The following ANGPT1 variants were observed in gnomAD, a reference collection of about 807,000 sequenced individuals.
ANGPT1 encodes angiopoietin 1, also known as angiopoietin-1.
A neutral mutation model predicts 62.2 loss-of-function variants in ANGPT1; 17 were observed. The observed-to-expected ratio is 0.27, with a 90% CI of 0.19 to 0.41. The LOEUF (loss-of-function observed/expected upper bound fraction) is 0.41. ANGPT1 is among the 10% of genes least tolerant of loss of function. The probability of loss-of-function intolerance (pLI) is 1.00; values close to 1 mark genes in which losing one functional copy is unlikely to be tolerated. For synonymous variants in ANGPT1, 199 were observed against 198.9 expected, an observed-to-expected ratio of 1.00 and a Z score of 0.00; for missense variants, 478 against 594.9, an observed-to-expected ratio of 0.80 and a Z score of 2.04.
chr8:107,251,870 T>C lies in ANGPT1; in HGVS notation c.1482A>G (p.Arg494=). The change falls in exon 9 of 9, where the codon CGA becomes CGG. Residue 494 remains arginine (R), a synonymous_variant. Coordinates refer to ENST00000517746, the MANE Select transcript of ANGPT1 (RefSeq NM_001146.5). ...CATTGCGCTTTCAAAAATCTAAAGG[T>C]CGAATCATCATAGTTGTGGAACGTA... ...YSLRSTTMMI[R]PLDF is the part of the protein sequence containing the mutation. 1 of 1,613,856 alleles carries C rather than the reference T, an allele frequency of 6.2e-7. No homozygotes were observed. The highest frequency in any genetic ancestry group is 8.5e-7 in the Non-Finnish European group (1 of 1,179,816).
chr8:107,314,417 C>G (rs752336427), intron 4 of ANGPT1, among the ~76,000 whole-genome samples: 1 of 152,152 alleles, frequency 6.6e-6, no homozygotes, highest in Non-Finnish European at 1.5e-5. Flanking sequence ...TGGGAGAGGT[C>G]AAGGACTATG....
intron 5 of ANGPT1, chr8:107,294,479 A>T (rs901136481): frequency 3.9e-5 from 6 of 153,020 alleles, no homozygotes; most frequent in South Asian, 2.1e-4. Context: ...AGAATAAAAA[A>T]TTTTTAAAAT....
At chr8:107,382,367 A>G (rs1816655522) in intron 1 of ANGPT1, among the ~76,000 whole-genome samples, 1 of 152,136 alleles carries the variant, frequency 6.6e-6, no homozygotes, top group Admixed American at 6.6e-5. Context: ...AGAGTATCCA[A>G]GTCGAGCTGC....
intron 1 of ANGPT1, among the ~76,000 whole-genome samples, chr8:107,418,253 C>T (rs576491721): frequency 2.0e-4 from 31 of 152,266 alleles, no homozygotes; most frequent in Non-Finnish European, 3.5e-4. Flanking sequence ...GATAAACCCC[C>T]GTCACCATTT....
At chr8:107,399,470 TACAC>T (rs1407325351) in intron 1 of ANGPT1, among the ~76,000 whole-genome samples, 1 of 152,208 alleles carries the variant, frequency 6.6e-6, no homozygotes, top group Non-Finnish European at 1.5e-5. Context: ...TATGAAGAGA[TACAC>T]ACTTCTCTCC....
At chr8:107,304,949 T>C (rs1814679665) in intron 4 of ANGPT1, among the ~76,000 whole-genome samples, 2 of 151,962 alleles carry the variant, frequency 1.3e-5, no homozygotes, top group African/African-American at 4.8e-5. Flanking sequence ...ACAGAATGTA[T>C]GCAAATAGCA....
At chr8:107,491,139 A>C (rs539061212) in intron 1 of ANGPT1, among the ~76,000 whole-genome samples, 7 of 147,634 alleles carry the variant, frequency 4.7e-5, no homozygotes, top group African/African-American at 1.7e-4. Flanking sequence ...TCAATCTGCT[A>C]CCAGAAATGA....
At chr8:107,296,984 C>T (rs1038028957) in intron 5 of ANGPT1, among the ~76,000 whole-genome samples, 1 of 148,092 alleles carries the variant, frequency 6.8e-6, no homozygotes, top group African/African-American at 2.4e-5. Flanking sequence ...AAAAAGACAA[C>T]TTTCCTTCTA....
chr8:107,355,497 C>T (rs933722881), intron 1 of ANGPT1, among the ~76,000 whole-genome samples: 2 of 152,142 alleles, frequency 1.3e-5, no homozygotes, highest in Non-Finnish European at 2.9e-5. Flanking sequence ...ACACTGTATT[C>T]GTCATAGATG....
chr8:107,271,496 T>C (rs1033840883), intron 7 of ANGPT1, among the ~76,000 whole-genome samples: 12 of 151,992 alleles, frequency 7.9e-5, no homozygotes, highest in African/African-American at 2.9e-4. Flanking sequence ...ATGTAAGTGT[T>C]CTGAGAGTGA....
intron 1 of ANGPT1, among the ~76,000 whole-genome samples, chr8:107,412,931 T>A (rs925776625): frequency 1.3e-5 from 2 of 152,168 alleles, no homozygotes; most frequent in African/African-American, 4.8e-5. Context: ...ATTAAGTTCC[T>A]ATGATGTGCC....
chr8:107,409,380 G>A (rs984999689), intron 1 of ANGPT1, among the ~76,000 whole-genome samples: 18 of 152,076 alleles, frequency 1.2e-4, no homozygotes, highest in African/African-American at 1.9e-4. Context: ...TTCCCAGAGC[G>A]CAACATTCTG....
chr8:107,270,490 T>G (rs1323717490), intron 7 of ANGPT1, among the ~76,000 whole-genome samples: 1 of 151,686 alleles, frequency 6.6e-6, no homozygotes, highest in Non-Finnish European at 1.5e-5. Context: ...CTGACAAGAG[T>G]TTCCTGATGT....
chr8:107,321,140 A>C (rs1815140200), intron 4 of ANGPT1, among the ~76,000 whole-genome samples: 1 of 151,988 alleles, frequency 6.6e-6, no homozygotes, highest in Non-Finnish European at 1.5e-5. Flanking sequence ...AACAGGTGCA[A>C]GCAGAGGCAT....
In ANGPT1 at chr8:107,250,256, C is replaced by CATA. The variant is rs1813219310; in HGVS notation, c.*1596_*1598dup. On this transcript the variant is annotated 3_prime_UTR_variant, in exon 9 of 9. Transcript: ENST00000517746. ...TGTTTTAATAAAAACTGTTTACTGT[C>CATA]ATAACCTTGGACACTTACAGGCAGA... 2 of 152,070 alleles carry CATA rather than the reference C, an allele frequency of 1.3e-5. No individual in the cohort carries two copies. The highest frequency in any genetic ancestry group is 1.5e-5 in the Non-Finnish European group (1 of 67,996). The allele number at this position is 152,070 out of a possible 1,614,324, so 9.4% of individuals were successfully genotyped here.
At chr8:107,284,517 A>C (rs947319268) in intron 7 of ANGPT1, 165 bp downstream of exon 7, 6 of 528,400 alleles carry the variant, frequency 1.1e-5, no homozygotes, top group Non-Finnish European at 1.7e-5. Flanking sequence ...TCTTTGAAAA[A>C]GTCTTTACAG....
intron 2 of ANGPT1, 152 bp from the exon 3 acceptor site, chr8:107,336,423 T>A: frequency 4.6e-5 from 56 of 1,221,918 alleles, no homozygotes; most frequent in Non-Finnish European, 5.7e-5. Context: ...CCCAGCACTT[T>A]GGGAGGCCAA....
chr8:107,409,953 CCA>C (rs1309079126), intron 1 of ANGPT1, among the ~76,000 whole-genome samples: 2 of 124,078 alleles, frequency 1.6e-5, no homozygotes, highest in South Asian at 2.3e-4. Context: ...ATCCATCCAT[CCA>C]TCCATCCATC....
intron 3 of ANGPT1, among the ~76,000 whole-genome samples, chr8:107,327,942 T>C (rs868115997): frequency 1.3e-5 from 2 of 152,148 alleles, no homozygotes; most frequent in African/African-American, 2.4e-5. Flanking sequence ...CAACATCTTA[T>C]TGGAAATATT....
Sources: allele counts gnomAD v4.1 joint callset (sites outside exome capture counted in the v4.1 genomes callset), GRCh38; gene constraint gnomAD v4.1.1; transcripts MANE v1.5; gene names NCBI Gene and HGNC (gene_info 2026-07-23, HGNC 2026-07-21).